Variants in ETV6 observed in about 807,000 individuals in gnomAD.
ETV6 encodes the protein ETS variant transcription factor 6.
In ETV6, 16 loss-of-function variants were observed where a neutral mutation model predicts 51.1. That is an observed-to-expected ratio of 0.31 (90% CI 0.21 to 0.48). The LOEUF (loss-of-function observed/expected upper bound fraction) is 0.48. Ranked by LOEUF, ETV6 falls within the 20% of genes least tolerant of loss-of-function variation. The probability of loss-of-function intolerance (pLI) is 0.99; values close to 1 mark genes in which losing one functional copy is unlikely to be tolerated. For missense variants in ETV6, 458 were observed against 594.8 expected, an observed-to-expected ratio of 0.77 and a Z score of 2.39; for synonymous variants, 240 against 224.1, an observed-to-expected ratio of 1.07 and a Z score of -0.64.
chr12:11,745,390 C>T (rs144750339), intron 1 of ETV6, among the ~76,000 whole-genome samples: 1 of 152,358 alleles, frequency 6.6e-6, no homozygotes, highest in African/African-American at 2.4e-5. Context: ...GAAAGGCCTT[C>T]CTTCTAGTGC....
intron 1 of ETV6, among the ~76,000 whole-genome samples, chr12:11,655,528 C>G (rs1863984879): frequency 6.6e-6 from 1 of 152,118 alleles, no homozygotes; most frequent in South Asian, 2.1e-4. Context: ...CATACAGGAA[C>G]CAAACTAATA....
intron 2 of ETV6, among the ~76,000 whole-genome samples, chr12:11,755,596 A>G (rs979390940): frequency 2.0e-5 from 3 of 152,150 alleles, no homozygotes; most frequent in Non-Finnish European, 4.4e-5. Flanking sequence ...AGCCCCTACG[A>G]TGACTGAAGC....
intron 1 of ETV6, among the ~76,000 whole-genome samples, chr12:11,702,884 TC>T (rs1338105132): frequency 6.6e-6 from 1 of 152,176 alleles, no homozygotes; most frequent in Non-Finnish European, 1.5e-5. Flanking sequence ...GCCGGGTAGA[TC>T]GCTTGAGCCC....
At chr12:11,812,042 C>T (rs1945921285) in intron 2 of ETV6, among the ~76,000 whole-genome samples, 1 of 152,216 alleles carries the variant, frequency 6.6e-6, no homozygotes. Flanking sequence ...AATGCTAACT[C>T]ATTTTAAGCC....
chr12:11,730,288 C>G (rs2120973151), intron 1 of ETV6, among the ~76,000 whole-genome samples: 1 of 152,342 alleles, frequency 6.6e-6, no homozygotes, highest in African/African-American at 2.4e-5. Context: ...AACCTTATCC[C>G]TCTCTTATTT....
intron 3 of ETV6, chr12:11,840,494 G>A (rs970418602): frequency 6.6e-6 from 3 of 455,964 alleles, no homozygotes; most frequent in African/African-American, 6.0e-5. Context: ...CAAAGGGCGA[G>A]GATCCTGCAG....
chr12:11,884,849 C>T (rs923086318), intron 6 of ETV6, among the ~76,000 whole-genome samples: 1 of 152,108 alleles, frequency 6.6e-6, no homozygotes, highest in African/African-American at 2.4e-5. Context: ...CTCTTGTTTC[C>T]ACTCCCCTTG....
chr12:11,792,604 T>C (rs959217162), intron 2 of ETV6, among the ~76,000 whole-genome samples: 2 of 152,042 alleles, frequency 1.3e-5, no homozygotes, highest in African/African-American at 4.8e-5. Flanking sequence ...GGAGAATTGC[T>C]TGAACCCGGA....
intron 2 of ETV6, among the ~76,000 whole-genome samples, chr12:11,782,352 G>A (rs1403125050): frequency 1.3e-5 from 2 of 152,106 alleles, no homozygotes; most frequent in African/African-American, 4.8e-5. Flanking sequence ...TCTACTCTCG[G>A]TGATTTTAAG....
intron 2 of ETV6, among the ~76,000 whole-genome samples, chr12:11,823,958 CCCCCTTTGGTGGGGCCAGAGA>C (rs1946118660): frequency 6.6e-6 from 1 of 152,204 alleles, no homozygotes; most frequent in Non-Finnish European, 1.5e-5. Context: ...TGGGCTGTAA[CCCCCTTTGGTGGGGCCAGAGA>C]CCCCTTAGAT....
At chr12:11,864,753 T>TAA (rs112545930) in intron 4 of ETV6, among the ~76,000 whole-genome samples, 4 of 145,024 alleles carry the variant, frequency 2.8e-5, no homozygotes, top group Non-Finnish European at 6.1e-5. Context: ...TTAAGCACTT[T>TAA]AAAAAAAAAA....
chr12:11,771,467 G>C (rs1030331558), intron 2 of ETV6, among the ~76,000 whole-genome samples: 4 of 152,194 alleles, frequency 2.6e-5, no homozygotes, highest in African/African-American at 9.7e-5. Flanking sequence ...TGGTGGGAGT[G>C]GGGGTAGAGA....
rs1469221623 is a variant in ETV6 at position 11,660,290 on chromosome 12, A to G, written c.33+10130A>G. ...ATCTGCACTAGGGTATACAGGAGGAAGTATTATGGAGACTTCATAAAAAGG... is the reference window on the plus strand; with the variant it reads ...ATCTGCACTAGGGTATACAGGAGGAGGTATTATGGAGACTTCATAAAAAGG... On this transcript the variant is annotated intron_variant, in intron 1 of 7. Transcript: ENST00000396373. Among the ~76,000 whole-genome samples the G allele has an allele frequency of 2.0e-5, 3 of 152,220 alleles. No homozygotes were observed. In the East Asian group the frequency reaches 5.8e-4, roughly 29 times the overall value.
intron 1 of ETV6, among the ~76,000 whole-genome samples, chr12:11,735,056 G>C (rs918077902): frequency 7.2e-6 from 1 of 139,354 alleles, no homozygotes; most frequent in African/African-American, 2.7e-5. Context: ...TATGGCATGT[G>C]TCCCAAAGGT....
chr12:11,882,781 C>A (rs1182813128), intron 5 of ETV6, among the ~76,000 whole-genome samples: 1 of 152,030 alleles, frequency 6.6e-6, no homozygotes, highest in African/African-American at 2.4e-5. Context: ...GTAAATATAC[C>A]CCCAGAGAAG....
chr12:11,777,239 CAAAAAAAAAA>C (rs5796465), intron 2 of ETV6, among the ~76,000 whole-genome samples: 4 of 78,892 alleles, frequency 5.1e-5, no homozygotes, highest in Admixed American at 1.6e-4. Context: ...GACTCCGTGT[CAAAAAAAAAA>C]AAAAAAAAAA....
intron 2 of ETV6, among the ~76,000 whole-genome samples, chr12:11,824,158 ACT>A (rs550836236): frequency 1.1e-3 from 168 of 152,230 alleles, no homozygotes; most frequent in African/African-American, 3.6e-3. Flanking sequence ...CAGCAGTGTA[ACT>A]CTCAGAATCC....
At chr12:11,790,609 T>C (rs546221874) in intron 2 of ETV6, among the ~76,000 whole-genome samples, 92 of 151,350 alleles carry the variant, frequency 6.1e-4, no homozygotes, top group African/African-American at 2.1e-3. Flanking sequence ...GGTCAACATA[T>C]GCATGTTCTT....
At chr12:11,716,824 A>C (rs1478180546) in intron 1 of ETV6, 1 of 152,256 alleles carries the variant, frequency 6.6e-6, no homozygotes, top group Admixed American at 6.5e-5. Context: ...CTCCATGTTC[A>C]TGCTGCCCAG....
Sources: allele counts gnomAD v4.1 joint callset (sites outside exome capture counted in the v4.1 genomes callset), GRCh38; gene constraint gnomAD v4.1.1; transcripts MANE v1.5; gene names NCBI Gene and HGNC (gene_info 2026-07-23, HGNC 2026-07-21).